SETBP1: variants seen among roughly 807,000 people sequenced by gnomAD.
The protein encoded by SETBP1 is SET-binding protein.
A neutral mutation model predicts 101.0 loss-of-function variants in SETBP1; 9 were observed. The ratio of observed to expected loss-of-function variants is 0.09; its 90% CI spans 0.05 to 0.16. SETBP1 has a LOEUF of 0.16. Ranked by LOEUF, SETBP1 falls within the 10% of genes least tolerant of loss-of-function variation. The probability of loss-of-function intolerance (pLI) is 1.00; values close to 1 mark genes in which losing one functional copy is unlikely to be tolerated. For missense variants in SETBP1, 1,858 were observed against 2,033.8 expected (o/e 0.91, Z 1.66); for synonymous variants, 818 against 788.5 (o/e 1.04, Z -0.63).
intron 2 of SETBP1, among the ~76,000 whole-genome samples, chr18:44,702,100 G>A (rs2069126039): frequency 6.6e-6 from 1 of 152,030 alleles, no homozygotes; most frequent in South Asian, 2.1e-4. Flanking sequence ...ATTATATACT[G>A]TATTCTTTCC....
chr18:44,966,675 A>G (rs769840418), intron 4 of SETBP1, among the ~76,000 whole-genome samples: 4 of 152,174 alleles, frequency 2.6e-5, no homozygotes, highest in Non-Finnish European at 5.9e-5. Context: ...GCAGACCACC[A>G]TCATTTCCTG....
intron 2 of SETBP1, among the ~76,000 whole-genome samples, chr18:44,859,118 A>C (rs2073029405): frequency 6.6e-6 from 1 of 152,142 alleles, no homozygotes; most frequent in Non-Finnish European, 1.5e-5. Context: ...TTGTTTGGGG[A>C]GAGAAGATAC....
In SETBP1 at chr18:44,949,931, C is replaced by G; in HGVS notation, c.591C>G (p.Leu197=). ...KHSTLHYDTG[L]PQDFTGDTLK... ...CAACTCTCCATTATGACACGGGCCT[C>G]CCACAGGACTTCACCGGTGACACCT... Residue 197 remains leucine (L), a synonymous_variant, in exon 4 of 6, where the codon CTC becomes CTG. Transcript: ENST00000649279. 1 of 1,614,062 alleles carries G rather than the reference C, an allele frequency of 6.2e-7. No individual in the cohort carries two copies. Among genetic ancestry groups the G allele is most frequent in the East Asian group, 2.2e-5 (1 of 44,876 alleles).
chr18:44,715,374 C>G (rs144918251), intron 2 of SETBP1, among the ~76,000 whole-genome samples: 7 of 152,158 alleles, frequency 4.6e-5, no homozygotes, highest in African/African-American at 1.2e-4. Context: ...ATAATAGGCT[C>G]GCTGTGACTT....
chr18:44,773,153 G>A (rs897031974), intron 2 of SETBP1, among the ~76,000 whole-genome samples: 20 of 152,088 alleles, frequency 1.3e-4, no homozygotes, highest in African/African-American at 4.8e-4. Context: ...AAAATCTACA[G>A]TAATTAAAAA....
chr18:44,995,729 G>A (rs974051903), intron 4 of SETBP1, among the ~76,000 whole-genome samples: 2 of 152,156 alleles, frequency 1.3e-5, no homozygotes, highest in African/African-American at 4.8e-5. Flanking sequence ...CCTTCTTGGT[G>A]CATCCTCACA....
At chr18:44,809,647 C>G (rs1292463645) in intron 2 of SETBP1, among the ~76,000 whole-genome samples, 1 of 152,148 alleles carries the variant, frequency 6.6e-6, no homozygotes, top group Non-Finnish European at 1.5e-5. Flanking sequence ...TGATGTTGTT[C>G]TTTTAATAAG....
At chr18:44,946,349 T>G (rs1425093276) in intron 3 of SETBP1, among the ~76,000 whole-genome samples, 1 of 152,234 alleles carries the variant, frequency 6.6e-6, no homozygotes, top group Non-Finnish European at 1.5e-5. Context: ...TACTCTCAGC[T>G]GGTCTGCCCT....
chr18:45,038,604 C>T lies in SETBP1; in HGVS notation c.4120C>T (p.Pro1374Ser). 1 of 1,614,218 alleles carries T rather than the reference C, an allele frequency of 6.2e-7. No homozygotes were observed. The highest frequency in any genetic ancestry group is 8.5e-7 in the Non-Finnish European group (1 of 1,180,034). ...PAAVDSVTIP[P>S]APVLSLLAAS... ...CGCAGTTGACAGTGTTACAATTCCA[C>T]CAGCCCCAGTGTTATCTCTCCTTGC... Residue 1374 changes from proline (P) to serine (S), a missense_variant, in exon 5 of 6, where the codon CCA (proline) becomes TCA (serine). Around this residue, in one of 12 missense-constraint regions of SETBP1, gnomAD observed 417 missense variants for 389.1 expected, o/e 1.07. Coordinates refer to ENST00000649279, the MANE Select transcript of SETBP1 (RefSeq NM_015559.3).
At chr18:44,878,333 A>ATT (rs11422925) in intron 3 of SETBP1, among the ~76,000 whole-genome samples, 46 of 150,176 alleles carry the variant, frequency 3.1e-4, no homozygotes, top group Middle Eastern at 3.4e-3. Context: ...TTTTTCATTC[A>ATT]TTTTTTTTTT....
At chr18:44,957,214 A>AATGATGCC (rs1375671224) in intron 4 of SETBP1, among the ~76,000 whole-genome samples, 3 of 152,266 alleles carry the variant, frequency 2.0e-5, no homozygotes, top group Non-Finnish European at 4.4e-5. Context: ...GCATAGTCAG[A>AATGATGCC]ATGATGCCAT....
chr18:44,995,834 A>G (rs1387853598), intron 4 of SETBP1, among the ~76,000 whole-genome samples: 1 of 152,178 alleles, frequency 6.6e-6, no homozygotes, highest in Admixed American at 6.5e-5. Flanking sequence ...TTGTTGTATT[A>G]TATAGCAGCA....
Position 45,063,539 on chromosome 18 carries a change from A to G in SETBP1, c.4632A>G (p.Leu1544=), listed in dbSNP as rs1398639012. Reference sequence around the variant, plus strand: ...CACCCCTGCCCCCGCCACCCCCTCTACCCAAGACCCCCCGAGGCGGAAAGA... The same window carrying G: ...CACCCCTGCCCCCGCCACCCCCTCTGCCCAAGACCCCCCGAGGCGGAAAGA... ...PPPPLPPPPP[L]PKTPRGGKRK... is the part of the protein sequence containing the mutation. Residue 1544 remains leucine, a synonymous_variant, in exon 6 of 6, where the codon CTA becomes CTG. Transcript: ENST00000649279. 7.5e-6 allele frequency: 8 copies of G among 1,061,348 alleles called. No homozygotes were observed. The Admixed American group carries it at 1.2e-4, about 16-fold the overall frequency. 65.7% of individuals were successfully genotyped at this position (1,061,348 alleles called of 1,614,324 possible).
At chr18:44,901,225 A>G (rs1397784138) in intron 3 of SETBP1, among the ~76,000 whole-genome samples, 6 of 152,144 alleles carry the variant, frequency 3.9e-5, no homozygotes, top group Non-Finnish European at 8.8e-5. Flanking sequence ...AAAAATCTCT[A>G]GTCCTGCAGT....
At chr18:44,805,469 G>A (rs1030509929) in intron 2 of SETBP1, among the ~76,000 whole-genome samples, 7 of 151,458 alleles carry the variant, frequency 4.6e-5, no homozygotes, top group South Asian at 2.1e-4. Context: ...TTCCTTCACC[G>A]TCTCAAAACC....
At chr18:44,882,865 T>G (rs1254002150) in intron 3 of SETBP1, among the ~76,000 whole-genome samples, 1 of 152,184 alleles carries the variant, frequency 6.6e-6, no homozygotes, top group Non-Finnish European at 1.5e-5. Flanking sequence ...AAGAGGTACT[T>G]CAGCCAGTGC....
intron 2 of SETBP1, among the ~76,000 whole-genome samples, chr18:44,817,209 G>T (rs367569151): frequency 6.6e-6 from 1 of 152,174 alleles, no homozygotes; most frequent in Non-Finnish European, 1.5e-5. Flanking sequence ...ACAGAAGAGC[G>T]TTACTTTTGA....
At chr18:44,990,995 A>C (rs2072361229) in intron 4 of SETBP1, among the ~76,000 whole-genome samples, 1 of 151,540 alleles carries the variant, frequency 6.6e-6, no homozygotes, top group African/African-American at 2.4e-5. Flanking sequence ...TCACGCCTGT[A>C]ATCCCAGCAC....
At chr18:44,970,656 A>G (rs2071827516) in intron 4 of SETBP1, among the ~76,000 whole-genome samples, 1 of 151,710 alleles carries the variant, frequency 6.6e-6, no homozygotes, top group Non-Finnish European at 1.5e-5. Context: ...GGTTCAAACG[A>G]TTCTCCTGCC....
Sources: allele counts gnomAD v4.1 joint callset (sites outside exome capture counted in the v4.1 genomes callset), GRCh38; gene constraint gnomAD v4.1.1; regional missense constraint gnomAD v4.1.1; transcripts MANE v1.5; gene names NCBI Gene and HGNC (gene_info 2026-07-23, HGNC 2026-07-21).